The following SH3PXD2A variants were observed in gnomAD, a reference collection of about 807,000 sequenced individuals.
The protein encoded by SH3PXD2A is SH3 and PX domains 2A.
Under a neutral mutation model 115.2 loss-of-function variants are expected in SH3PXD2A, and 32 were observed. That is an observed-to-expected ratio of 0.28 (90% CI 0.21 to 0.37). SH3PXD2A has a LOEUF of 0.37. SH3PXD2A is among the 10% of genes least tolerant of loss of function. The pLI is 1.00. For synonymous variants in SH3PXD2A, 610 were observed against 629.1 expected (o/e 0.97, Z 0.45); for missense variants, 1,328 against 1,498.7 (o/e 0.89, Z 1.88).
intron 1 of SH3PXD2A, among the ~76,000 whole-genome samples, chr10:103,813,399 C>G (rs2039291680): frequency 6.6e-6 from 1 of 152,168 alleles, no homozygotes; most frequent in Admixed American, 6.5e-5. Context: ...TCAATGCAGC[C>G]CTGACCTCCT....
chr10:103,747,334 C>T (rs1589438963), intron 3 of SH3PXD2A, among the ~76,000 whole-genome samples: 1 of 152,074 alleles, frequency 6.6e-6, no homozygotes, highest in African/African-American at 2.4e-5. Context: ...TCCATGTGGG[C>T]GTGGGTGTGG....
chr10:103,605,703 C>T, intron 14 of SH3PXD2A, 95 bp downstream of exon 14: 1 of 1,499,078 alleles, frequency 6.7e-7, no homozygotes, highest in Non-Finnish European at 9.2e-7. Flanking sequence ...CTGCCTGCCC[C>T]TCAGGAATCT....
At position 103,660,215 on chromosome 10, in the gene SH3PXD2A, C is replaced by T. The variant is rs1375680672; in HGVS notation, c.604+768G>A. ...GCTGATGGATGTCCTGGGCTCGAGT[C>T]CCAGCCCTGGCCCTGTTGGGGGCCG... On this transcript the variant is annotated intron_variant, in intron 8 of 14. Transcript: ENST00000369774. 3.3e-5 allele frequency among the ~76,000 whole-genome samples: 5 copies of T among 152,308 alleles called. No individual in the cohort carries two copies. In the South Asian group the frequency reaches 6.2e-4, roughly 19 times the overall value.
At chr10:103,649,304 G>A (rs1197201784) in intron 8 of SH3PXD2A, among the ~76,000 whole-genome samples, 1 of 152,230 alleles carries the variant, frequency 6.6e-6, no homozygotes, top group Non-Finnish European at 1.5e-5. Flanking sequence ...GATGAGCAAA[G>A]CCGGTGCTCA....
intron 2 of SH3PXD2A, among the ~76,000 whole-genome samples, chr10:103,789,359 G>A (rs961074176): frequency 3.3e-5 from 5 of 152,168 alleles, no homozygotes; most frequent in Admixed American, 3.3e-4. Context: ...CCAGCTGAGG[G>A]CTCTTTCACC....
chr10:103,688,405 G>C (rs2037706347), intron 6 of SH3PXD2A, among the ~76,000 whole-genome samples: 6 of 152,234 alleles, frequency 3.9e-5, no homozygotes, highest in Admixed American at 3.9e-4. Context: ...GGTGGTGGGA[G>C]ACAGAGAAGA....
At chr10:103,839,005 T>C (rs1220492942) in intron 1 of SH3PXD2A, among the ~76,000 whole-genome samples, 4 of 152,084 alleles carry the variant, frequency 2.6e-5, no homozygotes, top group Non-Finnish European at 4.4e-5. Context: ...TCAACATACA[T>C]ACAGACCTAG....
At chr10:103,778,753 AG>A (rs1176321116) in intron 2 of SH3PXD2A, among the ~76,000 whole-genome samples, 2 of 152,214 alleles carry the variant, frequency 1.3e-5, no homozygotes, top group Non-Finnish European at 2.9e-5. Context: ...GGAGCTGCTC[AG>A]GGCCACCTGC....
At chr10:103,782,827 CAAAAAAAAAAA>C (rs1177829829) in intron 2 of SH3PXD2A, among the ~76,000 whole-genome samples, 1 of 45,396 alleles carries the variant, frequency 2.2e-5, no homozygotes, top group Non-Finnish European at 4.8e-5. Context: ...TCCATCTCTC[CAAAAAAAAAAA>C]AAAAAAAAAA....
chr10:103,750,270 C>A (rs1305851345), intron 3 of SH3PXD2A, among the ~76,000 whole-genome samples: 1 of 152,128 alleles, frequency 6.6e-6, no homozygotes, highest in Non-Finnish European at 1.5e-5. Flanking sequence ...CCAGGCTGGT[C>A]TCGAACTCCC....
chr10:103,849,169 C>T (rs1006105618), intron 1 of SH3PXD2A, among the ~76,000 whole-genome samples: 3 of 151,986 alleles, frequency 2.0e-5, no homozygotes, highest in South Asian at 2.1e-4. Flanking sequence ...TATTTTCTCT[C>T]TCACCAAGCC....
At chr10:103,830,010 C>T (rs2039469184) in intron 1 of SH3PXD2A, among the ~76,000 whole-genome samples, 1 of 152,192 alleles carries the variant, frequency 6.6e-6, no homozygotes, top group Admixed American at 6.5e-5. Context: ...ACCCCCACCC[C>T]AGGTAGACTC....
intron 2 of SH3PXD2A, among the ~76,000 whole-genome samples, chr10:103,778,315 G>A (rs1045142469): frequency 1.3e-5 from 2 of 152,218 alleles, no homozygotes; most frequent in Non-Finnish European, 2.9e-5. Context: ...CTGGGCGATA[G>A]AGCGAGACTC....
chr10:103,813,239 T>C lies in SH3PXD2A; in HGVS notation c.73-11877A>G, dbSNP rs148403639. Among the ~76,000 whole-genome samples, 296 of 152,298 alleles carry C rather than the reference T, an allele frequency of 1.9e-3. 2 individuals are homozygous for C. Among genetic ancestry groups the C allele is most frequent in the African/African-American group, 6.7e-3 (280 of 41,580 alleles). On this transcript the variant is annotated intron_variant, in intron 1 of 14. Transcript: ENST00000369774. ...TTAAAAAGAAAAAAATACAACAAAT[T>C]GATAATCATGGTTATTTGCATGGAA... is the stretch of plus-strand genomic sequence containing the variant.
chr10:103,752,788 G>C (rs2038593519), intron 3 of SH3PXD2A, among the ~76,000 whole-genome samples: 1 of 152,170 alleles, frequency 6.6e-6, no homozygotes, highest in Non-Finnish European at 1.5e-5. Flanking sequence ...TATCTGTGAT[G>C]ATTATCATTA....
intron 1 of SH3PXD2A, among the ~76,000 whole-genome samples, chr10:103,819,352 G>A (rs1177245696): frequency 6.6e-6 from 1 of 152,152 alleles, no homozygotes; most frequent in East Asian, 1.9e-4. Flanking sequence ...AGGTAGGCTG[G>A]GTGAAGAGGT....
intron 2 of SH3PXD2A, among the ~76,000 whole-genome samples, chr10:103,800,386 C>T (rs1456716933): frequency 4.6e-5 from 7 of 152,188 alleles, no homozygotes; most frequent in Non-Finnish European, 4.4e-5. Context: ...GTCAATTTCC[C>T]CTCTGTTGGG....
intron 4 of SH3PXD2A, among the ~76,000 whole-genome samples, chr10:103,734,384 T>A (rs7099837): frequency 0.74 from 112,616 of 152,162 alleles, 42,239 homozygotes; most frequent in African/African-American, 0.87. Flanking sequence ...GCTTGTTTTT[T>A]TTTTTTATTT....
At chr10:103,734,240 C>T (rs914161549) in intron 4 of SH3PXD2A, among the ~76,000 whole-genome samples, 31 of 152,170 alleles carry the variant, frequency 2.0e-4, no homozygotes, top group Admixed American at 6.5e-5. Flanking sequence ...CACATTATAA[C>T]ACATTATACC....
Sources: gnomAD v4.1 joint callset for allele counts (sites outside exome capture counted in the v4.1 genomes callset) on GRCh38, gnomAD v4.1.1 for gene constraint, MANE v1.5 for transcripts, NCBI Gene and HGNC (gene_info 2026-07-23, HGNC 2026-07-21) for gene names.